XKR4: variants seen among roughly 807,000 people sequenced by gnomAD.
The protein encoded by XKR4 is XK related 4.
XKR4 carries 12 observed loss-of-function variants against 53.9 expected under a neutral mutation model. That is an observed-to-expected ratio of 0.22 (90% CI 0.14 to 0.36). The LOEUF is 0.36. Ranked by LOEUF, XKR4 falls within the 10% of genes least tolerant of loss-of-function variation. The pLI is 1.00. For synonymous variants in XKR4, 354 were observed against 362.4 expected, an observed-to-expected ratio of 0.98 and a Z score of 0.26; for missense variants, 799 against 859.5, an observed-to-expected ratio of 0.93 and a Z score of 0.88.
At chr8:55,384,495 T>C (rs1435703404) in intron 2 of XKR4, among the ~76,000 whole-genome samples, 1 of 152,216 alleles carries the variant, frequency 6.6e-6, no homozygotes, top group Non-Finnish European at 1.5e-5. Flanking sequence ...TGCTGAAATA[T>C]TTTTACCAGG....
chr8:55,354,160 G>A (rs1436731463), intron 1 of XKR4, among the ~76,000 whole-genome samples: 5 of 152,174 alleles, frequency 3.3e-5, no homozygotes, highest in African/African-American at 1.2e-4. Context: ...CCATGCAGGA[G>A]AAAGCAGAGG....
chr8:55,450,144 C>T, intron 2 of XKR4: 1 of 685,456 alleles, frequency 1.5e-6, no homozygotes, highest in African/African-American at 1.8e-5. Flanking sequence ...TCTCCAACCT[C>T]TGCAGGCGTG....
chr8:55,262,852 G>A (rs186818030), intron 1 of XKR4, among the ~76,000 whole-genome samples: 221 of 152,288 alleles, frequency 1.5e-3, no homozygotes, highest in African/African-American at 4.9e-3. Context: ...GGCTGGAGGC[G>A]TCCCGTAGGC....
At chr8:55,436,672 G>A (rs553300500) in intron 2 of XKR4, among the ~76,000 whole-genome samples, 8 of 152,158 alleles carry the variant, frequency 5.3e-5, no homozygotes, top group South Asian at 4.1e-4. Flanking sequence ...GAAATAGCTC[G>A]GTGTCATGTC....
At chr8:55,351,566 T>A (rs976636878) in intron 1 of XKR4, among the ~76,000 whole-genome samples, 3 of 152,246 alleles carry the variant, frequency 2.0e-5, no homozygotes, top group African/African-American at 7.2e-5. Flanking sequence ...GGAGTTCTAC[T>A]GACCATGGAG....
rs1315127381 is a variant in XKR4 at position 55,536,252 on chromosome 8, C to T, written c.*12025C>T. The T allele has an allele frequency of 2.0e-5, 3 of 152,234 alleles. No homozygotes were observed. The East Asian group carries it at 5.8e-4, about 29-fold the overall frequency. 9.4% of individuals were successfully genotyped at this position (152,234 alleles called of 1,614,324 possible). A position where few individuals can be genotyped will look rare whatever the true frequency, so the allele number is the denominator to read the frequency against. On this transcript the variant is annotated 3_prime_UTR_variant, in exon 3 of 3. Transcript: ENST00000327381. ...AATAATGGAGGTGGAAAGAAATGAA[C>T]AGTTAAGCAATTTTTCAACATAGAC... is the stretch of plus-strand genomic sequence containing the variant.
chr8:55,220,297 A>C (rs1817863968), intron 1 of XKR4, among the ~76,000 whole-genome samples: 1 of 152,234 alleles, frequency 6.6e-6, no homozygotes, highest in Non-Finnish European at 1.5e-5. Context: ...GAATAAACAA[A>C]TGATTAAGTG....
chr8:55,163,495 T>G (rs1817015907), intron 1 of XKR4, among the ~76,000 whole-genome samples: 2 of 152,194 alleles, frequency 1.3e-5, no homozygotes, highest in Non-Finnish European at 2.9e-5. Context: ...GGACTCTGTG[T>G]TTTTTTGTTC....
intron 1 of XKR4, among the ~76,000 whole-genome samples, chr8:55,285,178 T>C (rs1391523900): frequency 6.6e-6 from 1 of 152,164 alleles, no homozygotes; most frequent in Non-Finnish European, 1.5e-5. Context: ...AATTCTCTAA[T>C]TTTTTTAATG....
At chr8:55,266,701 G>T (rs184007059) in intron 1 of XKR4, among the ~76,000 whole-genome samples, 3 of 152,122 alleles carry the variant, frequency 2.0e-5, no homozygotes, top group Admixed American at 2.0e-4. Flanking sequence ...TGCTGTTAAA[G>T]AATTAAGAAG....
chr8:55,404,947 G>A (rs549699216), intron 2 of XKR4, among the ~76,000 whole-genome samples: 41 of 152,290 alleles, frequency 2.7e-4, no homozygotes, highest in African/African-American at 7.9e-4. Context: ...TTGATGCTGC[G>A]TTGCGCTGCG....
chr8:55,540,172 T>C lies in XKR4; in HGVS notation c.*15945T>C, dbSNP rs1288665737. On this transcript the variant is annotated 3_prime_UTR_variant, in exon 3 of 3. Transcript: ENST00000327381. The stretch of plus-strand genomic sequence containing the variant: ...CATTTTCAGCAAAGATTCATGTGAT[T>C]ATGCTGCTGAGGACCAGTCATTCTG... 1.3e-5 allele frequency: 2 copies of C among 152,254 alleles called. No homozygotes were observed. Among genetic ancestry groups the C allele is most frequent in the Non-Finnish European group, 2.9e-5 (2 of 68,048 alleles). The allele number at this position is 152,254 out of a possible 1,614,324, so 9.4% of individuals were successfully genotyped here.
At chr8:55,380,119 G>T (rs2622552) in intron 2 of XKR4, among the ~76,000 whole-genome samples, 1 of 152,018 alleles carries the variant, frequency 6.6e-6, no homozygotes, top group African/African-American at 2.4e-5. Context: ...CTGTCTGAAT[G>T]CTCCATTGGT....
At chr8:55,522,469 G>A (rs1806811802) in intron 2 of XKR4, among the ~76,000 whole-genome samples, 1 of 152,170 alleles carries the variant, frequency 6.6e-6, no homozygotes, top group Admixed American at 6.5e-5. Flanking sequence ...TGCCAAGGAT[G>A]TTGTACACAC....
At chr8:55,437,270 T>A (rs1323882508) in intron 2 of XKR4, among the ~76,000 whole-genome samples, 1 of 152,180 alleles carries the variant, frequency 6.6e-6, no homozygotes, top group Non-Finnish European at 1.5e-5. Context: ...TGACCTCAAG[T>A]CATCTATGTT....
intron 2 of XKR4, among the ~76,000 whole-genome samples, chr8:55,465,829 T>A (rs1234808166): frequency 3.3e-5 from 5 of 150,138 alleles, no homozygotes; most frequent in Admixed American, 6.6e-5. Flanking sequence ...GGGCAAAGGA[T>A]ATGAACAGAC....
chr8:55,355,858 C>T (rs1803790658), intron 1 of XKR4, among the ~76,000 whole-genome samples: 1 of 152,216 alleles, frequency 6.6e-6, no homozygotes, highest in South Asian at 2.1e-4. Flanking sequence ...TCTCTGCTAT[C>T]CTTCGCTCTT....
intron 1 of XKR4, among the ~76,000 whole-genome samples, chr8:55,136,097 T>C (rs765876690): frequency 6.6e-6 from 1 of 152,168 alleles, no homozygotes; most frequent in Non-Finnish European, 1.5e-5. Context: ...TTTCACCATG[T>C]TGGCCAGGCT....
At chr8:55,218,005 C>T (rs1817829598) in intron 1 of XKR4, among the ~76,000 whole-genome samples, 2 of 152,144 alleles carry the variant, frequency 1.3e-5, no homozygotes, top group African/African-American at 4.8e-5. Context: ...TCTCTCCTTT[C>T]CTTTTTGACT....
Sources: gnomAD v4.1 joint callset for allele counts (sites outside exome capture counted in the v4.1 genomes callset) on GRCh38, gnomAD v4.1.1 for gene constraint, MANE v1.5 for transcripts, NCBI Gene and HGNC (gene_info 2026-07-23, HGNC 2026-07-21) for gene names.